SLC4A10: variants seen among roughly 807,000 people sequenced by gnomAD.
SLC4A10 encodes solute carrier family 4 member 10.
In SLC4A10, 42 loss-of-function variants were observed where a neutral mutation model predicts 137.7. The ratio of observed to expected loss-of-function variants is 0.30; its 90% CI spans 0.24 to 0.39. The LOEUF is 0.39. SLC4A10 is among the 10% of genes least tolerant of loss of function. SLC4A10 has a pLI of 1.00. For synonymous variants in SLC4A10, 474 were observed against 464.1 expected, an observed-to-expected ratio of 1.02 and a Z score of -0.27; for missense variants, 925 against 1,355.0, an observed-to-expected ratio of 0.68 and a Z score of 4.98.
chr2:161,692,606 C>T (rs1321040000), intron 1 of SLC4A10, among the ~76,000 whole-genome samples: 1 of 152,030 alleles, frequency 6.6e-6, no homozygotes, highest in Non-Finnish European at 1.5e-5. Context: ...TAATGAAAGA[C>T]TCTTCAATCA....
intron 23 of SLC4A10, among the ~76,000 whole-genome samples, chr2:161,969,609 T>C (rs547133678): frequency 6.6e-6 from 1 of 152,250 alleles, no homozygotes; most frequent in Admixed American, 6.5e-5. Flanking sequence ...AGGGGGTTAG[T>C]GTTGGATAAA....
intron 1 of SLC4A10, among the ~76,000 whole-genome samples, chr2:161,731,586 T>C (rs1222869163): frequency 2.6e-5 from 4 of 152,166 alleles, no homozygotes; most frequent in African/African-American, 4.8e-5. Flanking sequence ...AGGAAAATAA[T>C]AGATGCTTAC....
chr2:161,778,576 AG>A (rs956760284), intron 2 of SLC4A10, among the ~76,000 whole-genome samples: 7 of 151,962 alleles, frequency 4.6e-5, no homozygotes, highest in Non-Finnish European at 1.0e-4. Flanking sequence ...TAATGTAATT[AG>A]GTGCCTAATT....
At chr2:161,853,808 C>T (rs531946465) in intron 4 of SLC4A10, among the ~76,000 whole-genome samples, 4 of 152,100 alleles carry the variant, frequency 2.6e-5, no homozygotes, top group Admixed American at 1.3e-4. Context: ...GCTTCCTTTT[C>T]ACTTTCTGAC....
At chr2:161,898,999 T>G (rs2063810951) in intron 11 of SLC4A10, among the ~76,000 whole-genome samples, 1 of 152,122 alleles carries the variant, frequency 6.6e-6, no homozygotes. Flanking sequence ...TCTCATATGC[T>G]GATGTGCCTT....
chr2:161,928,142 A>G (rs1202776200), intron 15 of SLC4A10, among the ~76,000 whole-genome samples: 1 of 150,106 alleles, frequency 6.7e-6, no homozygotes, highest in Non-Finnish European at 1.5e-5. Flanking sequence ...ACAGTGATAG[A>G]CTGGATTAAG....
At chr2:161,694,275 C>A (rs1019826812) in intron 1 of SLC4A10, among the ~76,000 whole-genome samples, 1 of 151,878 alleles carries the variant, frequency 6.6e-6, no homozygotes, top group Admixed American at 6.6e-5. Flanking sequence ...GATTGAGACA[C>A]CTTAACTCCC....
Position 161,645,695 on chromosome 2 carries a change from T to C in SLC4A10, c.48+21129T>C, listed in dbSNP as rs1348172067. On this transcript the variant is annotated intron_variant, in intron 1 of 26. Coordinates refer to ENST00000446997, the MANE Select transcript of SLC4A10 (RefSeq NM_001178015.2). ...TATATTTTCAATAAGCTAAGACTTT[T>C]TAAAAATATAATATTCCCCAAAAAT... Among the ~76,000 whole-genome samples, 3 of 152,172 alleles carry C rather than the reference T, an allele frequency of 2.0e-5. No homozygotes were observed. In the East Asian group the frequency reaches 5.8e-4, roughly 29 times the overall value.
At chr2:161,670,299 T>G (rs11684558) in intron 1 of SLC4A10, among the ~76,000 whole-genome samples, 3 of 147,340 alleles carry the variant, frequency 2.0e-5, no homozygotes, top group African/African-American at 7.5e-5. Context: ...CCCTTTCATC[T>G]TCTTTTTTTT....
chr2:161,733,849 C>T (rs896083492), intron 1 of SLC4A10, among the ~76,000 whole-genome samples: 13 of 152,244 alleles, frequency 8.5e-5, no homozygotes, highest in African/African-American at 2.4e-4. Flanking sequence ...CTTGCATCAG[C>T]GTGACCTGGA....
chr2:161,736,315 A>G (rs1306072409), intron 1 of SLC4A10, among the ~76,000 whole-genome samples: 1 of 152,206 alleles, frequency 6.6e-6, no homozygotes, highest in Non-Finnish European at 1.5e-5. Context: ...TGCTCAAATC[A>G]AAGAAAAAGT....
intron 14 of SLC4A10, 127 bp from the exon 15 acceptor site, chr2:161,905,515 G>C (rs1684159135): frequency 7.6e-7 from 1 of 1,312,990 alleles, no homozygotes; most frequent in Non-Finnish European, 1.0e-6. Context: ...CTTGAGTTTA[G>C]ATACTCATGG....
chr2:161,788,596 A>T (rs1177513471), intron 2 of SLC4A10, among the ~76,000 whole-genome samples: 1 of 152,056 alleles, frequency 6.6e-6, no homozygotes, highest in African/African-American at 2.4e-5. Context: ...CATGATCTTC[A>T]GCATATAGAC....
intron 26 of SLC4A10, among the ~76,000 whole-genome samples, chr2:161,979,385 A>G (rs2106007603): frequency 6.6e-6 from 1 of 152,342 alleles, no homozygotes. Context: ...TCAATAGACT[A>G]TCCTTTATAT....
intron 1 of SLC4A10, among the ~76,000 whole-genome samples, chr2:161,637,093 ACG>A (rs2034541959): frequency 8.0e-6 from 1 of 124,980 alleles, no homozygotes; most frequent in African/African-American, 2.8e-5. Context: ...ATATACATAT[ACG>A]TATATACGTA....
chr2:161,902,176 C>T (rs1191423703), intron 12 of SLC4A10: 11 of 430,598 alleles, frequency 2.6e-5, no homozygotes, highest in Middle Eastern at 3.4e-4. Flanking sequence ...TAATGAACTC[C>T]CACTTCCGGA....
At chr2:161,647,313 A>G (rs543022158) in intron 1 of SLC4A10, among the ~76,000 whole-genome samples, 2 of 152,208 alleles carry the variant, frequency 1.3e-5, no homozygotes, top group South Asian at 4.1e-4. Context: ...TTGTCAAGGA[A>G]CATATTTATT....
chr2:161,717,440 G>A (rs907506843), intron 1 of SLC4A10, among the ~76,000 whole-genome samples: 1 of 152,094 alleles, frequency 6.6e-6, no homozygotes, highest in South Asian at 2.1e-4. Context: ...GTCATAAATG[G>A]CTTTTATTAT....
At chr2:161,938,396 A>G (rs1160166827) in intron 15 of SLC4A10, among the ~76,000 whole-genome samples, 5 of 152,170 alleles carry the variant, frequency 3.3e-5, no homozygotes, top group South Asian at 2.1e-4. Flanking sequence ...CAATGCAGCA[A>G]TTGAGTTCAC....
Sources: allele counts gnomAD v4.1 joint callset (sites outside exome capture counted in the v4.1 genomes callset), GRCh38; gene constraint gnomAD v4.1.1; transcripts MANE v1.5; gene names NCBI Gene and HGNC (gene_info 2026-07-23, HGNC 2026-07-21).